SEPTIN7: variants seen among roughly 807,000 people sequenced by gnomAD.
The protein encoded by SEPTIN7 is septin-7.
SEPTIN7 carries 10 observed loss-of-function variants against 63.3 expected under a neutral mutation model. That is an observed-to-expected ratio of 0.16 (90% CI 0.10 to 0.27). SEPTIN7 has a LOEUF of 0.27. SEPTIN7 is among the 10% of genes least tolerant of loss of function. The pLI is 1.00. For missense variants in SEPTIN7, 310 were observed against 521.0 expected (o/e 0.59, Z 3.94); for synonymous variants, 131 against 165.3 (o/e 0.79, Z 1.59).
intron 3 of SEPTIN7, among the ~76,000 whole-genome samples, chr7:35,845,222 T>A (rs1215228208): frequency 6.6e-6 from 1 of 152,088 alleles, no homozygotes; most frequent in East Asian, 1.9e-4. Flanking sequence ...TATATGAGTG[T>A]ACTACATATA....
chr7:35,858,422 C>G (rs1394852172), intron 3 of SEPTIN7, among the ~76,000 whole-genome samples: 1 of 152,126 alleles, frequency 6.6e-6, no homozygotes, highest in Non-Finnish European at 1.5e-5. Context: ...GTAGTGCGAT[C>G]TTGGCTCACT....
chr7:35,816,012 T>G (rs1383610919), intron 1 of SEPTIN7, among the ~76,000 whole-genome samples: 2 of 152,180 alleles, frequency 1.3e-5, no homozygotes, highest in Non-Finnish European at 2.9e-5. Flanking sequence ...AAGATATGTG[T>G]GAGAAAGGAG....
intron 11 of SEPTIN7, among the ~76,000 whole-genome samples, chr7:35,891,900 T>C (rs1166930413): frequency 2.0e-5 from 3 of 152,186 alleles, no homozygotes; most frequent in Non-Finnish European, 2.9e-5. Context: ...TAAGCTTTTT[T>C]CTATTTTAAA....
At chr7:35,864,565 A>G (rs939351945) in intron 4 of SEPTIN7, among the ~76,000 whole-genome samples, 2 of 152,268 alleles carry the variant, frequency 1.3e-5, no homozygotes, top group East Asian at 1.9e-4. Context: ...AAAAATCTCA[A>G]TAATTTTTTA....
chr7:35,871,323 C>T (rs1786137265), intron 4 of SEPTIN7, among the ~76,000 whole-genome samples: 1 of 152,082 alleles, frequency 6.6e-6, no homozygotes, highest in Non-Finnish European at 1.5e-5. Flanking sequence ...TAACAGAAAA[C>T]TCTTGATTGC....
At chr7:35,808,210 T>C (rs1186137654) in intron 1 of SEPTIN7, among the ~76,000 whole-genome samples, 1 of 152,170 alleles carries the variant, frequency 6.6e-6, no homozygotes, top group Admixed American at 6.5e-5. Context: ...GAAATCTCCT[T>C]CTTACTTCTA....
chr7:35,853,434 G>A (rs1259608445), intron 3 of SEPTIN7, among the ~76,000 whole-genome samples: 7 of 152,146 alleles, frequency 4.6e-5, no homozygotes, highest in Admixed American at 1.3e-4. Flanking sequence ...GGGGCTGGGC[G>A]GGGGAAGTGG....
At chr7:35,859,732 A>G (rs1196308068) in intron 3 of SEPTIN7, among the ~76,000 whole-genome samples, 2 of 152,184 alleles carry the variant, frequency 1.3e-5, no homozygotes, top group Admixed American at 1.3e-4. Context: ...ATTTATCAAC[A>G]TTTGAAGTCC....
intron 1 of SEPTIN7, among the ~76,000 whole-genome samples, chr7:35,820,253 A>G (rs1015806866): frequency 1.3e-5 from 2 of 151,790 alleles, no homozygotes; most frequent in Admixed American, 1.3e-4. Flanking sequence ...ATTTTATCTT[A>G]TTCAGTTTGT....
chr7:35,832,169 T>C (rs1260953213), intron 2 of SEPTIN7: 5 of 447,188 alleles, frequency 1.1e-5, no homozygotes, highest in Admixed American at 4.9e-5. Flanking sequence ...CTTTAAAACC[T>C]GGATAAACCT....
chr7:35,881,499 C>CTT (rs397962604), intron 7 of SEPTIN7, among the ~76,000 whole-genome samples: 2 of 139,268 alleles, frequency 1.4e-5, no homozygotes, highest in African/African-American at 5.2e-5. Context: ...CTTGTTTATT[C>CTT]TTTTTTTTTT....
intron 10 of SEPTIN7, among the ~76,000 whole-genome samples, chr7:35,887,641 C>T (rs902446667): frequency 3.3e-5 from 5 of 152,158 alleles, no homozygotes; most frequent in African/African-American, 9.7e-5. Flanking sequence ...GCCACCACAC[C>T]CACCCAGCCC....
chr7:35,822,270 C>T (rs1332491052), intron 1 of SEPTIN7, among the ~76,000 whole-genome samples: 1 of 151,854 alleles, frequency 6.6e-6, no homozygotes, highest in African/African-American at 2.4e-5. Context: ...CCATGTTGCC[C>T]AGGGTGGTCT....
chr7:35,842,849 G>T (rs1272426552), intron 3 of SEPTIN7, among the ~76,000 whole-genome samples: 1 of 151,822 alleles, frequency 6.6e-6, no homozygotes, highest in Non-Finnish European at 1.5e-5. Flanking sequence ...CTTCCTCAAG[G>T]ATATTCTGCT....
intron 3 of SEPTIN7, among the ~76,000 whole-genome samples, chr7:35,848,506 G>A (rs1411373720): frequency 6.6e-6 from 1 of 151,976 alleles, no homozygotes; most frequent in Admixed American, 6.6e-5. Flanking sequence ...TCCTGACCTC[G>A]TGATCCACCC....
intron 3 of SEPTIN7, among the ~76,000 whole-genome samples, chr7:35,858,083 C>T (rs1785298867): frequency 6.6e-6 from 1 of 151,600 alleles, no homozygotes; most frequent in Admixed American, 6.6e-5. Flanking sequence ...ATGGGATTAC[C>T]AGGCATGTGC....
chr7:35,860,061 C>T, intron 3 of SEPTIN7, among the ~76,000 whole-genome samples: 1 of 150,546 alleles, frequency 6.6e-6, no homozygotes, highest in African/African-American at 2.4e-5. Flanking sequence ...TCCATTACTG[C>T]CTTTGTTTGT....
At chr7:35,842,045 C>T (rs1410478025) in intron 3 of SEPTIN7, among the ~76,000 whole-genome samples, 2 of 152,100 alleles carry the variant, frequency 1.3e-5, no homozygotes, top group African/African-American at 4.8e-5. Flanking sequence ...GTCAGAATTT[C>T]CCCCTTTATA....
chr7:35,910,247 G>C (rs1217406183), downstream of SEPTIN7, among the ~76,000 whole-genome samples: 1 of 152,228 alleles, frequency 6.6e-6, no homozygotes, highest in African/African-American at 2.4e-5. Context: ...GCATGAAGGA[G>C]CTGTACAAGA....
Sources: allele counts gnomAD v4.1 joint callset (sites outside exome capture counted in the v4.1 genomes callset), GRCh38; gene constraint gnomAD v4.1.1; transcripts MANE v1.5; gene names NCBI Gene and HGNC (gene_info 2026-07-23, HGNC 2026-07-21).